CLEC2L: variants seen among roughly 807,000 people sequenced by gnomAD.
CLEC2L encodes the protein C-type lectin domain family 2 member L, also known as C-type lectin domain family 2, member L.
Under a neutral mutation model 23.6 loss-of-function variants are expected in CLEC2L, and 14 were observed. That is an observed-to-expected ratio of 0.59 (90% CI 0.39 to 0.93). The LOEUF (loss-of-function observed/expected upper bound fraction) is 0.93. Ranked by LOEUF, CLEC2L falls within the 40% of genes least tolerant of loss-of-function variation. CLEC2L has a pLI of 0.00. For synonymous variants in CLEC2L, 114 were observed against 121.3 expected (o/e 0.94, Z 0.40); for missense variants, 264 against 282.4 (o/e 0.93, Z 0.47).
At position 139,544,359 on chromosome 7, in the gene CLEC2L, G is replaced by T; in HGVS notation, c.*17G>T. 1 of 1,543,540 alleles carries T rather than the reference G, an allele frequency of 6.5e-7. No individual in the cohort carries two copies. On this transcript the variant is annotated 3_prime_UTR_variant, in exon 5 of 5. Coordinates refer to ENST00000422142, the MANE Select transcript of CLEC2L (RefSeq NM_001080511.4). Reference sequence around the variant, plus strand: ...TATACTTGAGGTGGGTGGGGCCAGAGGTGGCCCCGCCCCTAGGCCTGTGGG... The same window carrying T: ...TATACTTGAGGTGGGTGGGGCCAGATGTGGCCCCGCCCCTAGGCCTGTGGG...
rs74488959 is a variant in CLEC2L at position 139,533,325 on chromosome 7, G to T, written c.191-2949G>T. ...GAGTCAGCTAAAAGAGTTGACAGTGGTTGGCTTTGGGGAAGGAGCAATGTT... is the reference window on the plus strand; with the variant it reads ...GAGTCAGCTAAAAGAGTTGACAGTGTTTGGCTTTGGGGAAGGAGCAATGTT... On this transcript the variant is annotated intron_variant, in intron 1 of 4. Coordinates refer to ENST00000422142, the MANE Select transcript of CLEC2L (RefSeq NM_001080511.4). Among the ~76,000 whole-genome samples, 15 of 152,340 alleles carry T rather than the reference G, an allele frequency of 9.8e-5. No individual in the cohort carries two copies. The East Asian group carries it at 2.3e-3, about 23-fold the overall frequency.
In CLEC2L at chr7:139,524,129, G is replaced by A. The variant is rs1223145062; in HGVS notation, c.190+12G>A. 1 of 1,223,236 alleles carries A rather than the reference G, an allele frequency of 8.2e-7. No individual in the cohort carries two copies. The highest frequency in any genetic ancestry group is 3.2e-5 in the East Asian group (1 of 31,136). 75.8% of individuals were successfully genotyped at this position (1,223,236 alleles called of 1,614,324 possible). ...GGCGGCCTTGGAGGGTAAGCGCGGA[G>A]CGGCCTCCCTCTCCTGGCCCAGGGA... On this transcript the variant is annotated intron_variant, in intron 1 of 4. Transcript: ENST00000422142.
At chr7:139,536,482 T>C in intron 2 of CLEC2L, 134 bp downstream of exon 2, 1 of 728,750 alleles carries the variant, frequency 1.4e-6, no homozygotes, top group Admixed American at 2.5e-5. Context: ...AAATACATAG[T>C]GTCAGTTGTT....
chr7:139,540,225 G>C lies in CLEC2L; in HGVS notation c.266-96G>C. On this transcript the variant is annotated intron_variant, in intron 2 of 4. Coordinates refer to ENST00000422142, the MANE Select transcript of CLEC2L (RefSeq NM_001080511.4). This position sits in a 1 kb window ranked among gnomAD's most constrained non-coding sequence, Gnocchi z 5.8. ...CAGCCACATCTGCAGTGTCCCTGCA[G>C]GACGCCAAAGCTGAGGCAGGGGAGG... 7.8e-7 allele frequency: 1 copy of C among 1,283,626 alleles called. No individual in the cohort carries two copies. The highest frequency in any genetic ancestry group is 2.5e-5 in the East Asian group (1 of 39,500). The allele number at this position is 1,283,626 out of a possible 1,614,324, so 79.5% of individuals were successfully genotyped here.
At chr7:139,534,429 C>A in intron 1 of CLEC2L, 1 of 870,970 alleles carries the variant, frequency 1.1e-6, no homozygotes. Flanking sequence ...CATCAATGAT[C>A]TGGCAGACCT....
chr7:139,523,953 C>A lies in CLEC2L; in HGVS notation c.26C>A (p.Ser9Ter). 1 of 972,980 alleles carries A rather than the reference C, an allele frequency of 1.0e-6. No homozygotes were observed. The highest frequency in any genetic ancestry group is 1.2e-6 in the Non-Finnish European group (1 of 821,608). The allele number at this position is 972,980 out of a possible 1,614,324, so 60.3% of individuals were successfully genotyped here. A position where few individuals can be genotyped will look rare whatever the true frequency, so the allele number is the denominator to read the frequency against. Residue 9 changes from serine (S) to a stop codon, truncating the protein, a stop_gained, in exon 1 of 5, where the codon TCG becomes TAG. Coordinates refer to ENST00000422142, the MANE Select transcript of CLEC2L (RefSeq NM_001080511.4). LOFTEE classifies it high-confidence loss of function. The surrounding 1 kb of genome is among the most constrained non-coding windows in gnomAD (Gnocchi z 4.1). ...ATGGAGCCGGCCCGGGAGCCCCCCT[C>A]GCGGGCCCGGCCGCCGCCGCCCCTC... MEPAREPP[S>*]RARPPPPLAA...
intron 1 of CLEC2L, among the ~76,000 whole-genome samples, chr7:139,531,663 C>T (rs1797583769): frequency 6.6e-6 from 1 of 152,134 alleles, no homozygotes; most frequent in Admixed American, 6.6e-5. Context: ...AATCCCAGCA[C>T]TTTGGGAGGC....
intron 1 of CLEC2L, chr7:139,534,521 T>G (rs1156934844): frequency 1.3e-6 from 1 of 772,520 alleles, no homozygotes; most frequent in African/African-American, 1.7e-5. Flanking sequence ...ATCTACATGC[T>G]TCTTCATCGG....
In CLEC2L at chr7:139,528,561, A is replaced by G. The variant is rs552377060; in HGVS notation, c.190+4444A>G. 3.9e-5 allele frequency among the ~76,000 whole-genome samples: 6 copies of G among 152,290 alleles called. No homozygotes were observed. In the South Asian group the frequency reaches 1.2e-3, roughly 32 times the overall value. On this transcript the variant is annotated intron_variant, in intron 1 of 4. Transcript: ENST00000422142. ...TCAGATCTTGTGAGACTTACTCACT[A>G]TCACAAGAACAGCATGATTTGGGAA...
At position 139,544,247 on chromosome 7, in the gene CLEC2L, C is replaced by G; in HGVS notation, c.550C>G (p.Pro184Ala). The change falls in exon 5 of 5, where the codon CCA becomes GCA. Residue 184 changes from proline (P) to alanine (A), a missense_variant. Pro to Ala is a conservative substitution (Grantham distance 27, BLOSUM62 -1). Transcript: ENST00000422142. ...FDPDTFTIAG[P>A]GECVFVEPTR... ...TGGCCACAGGTTCACCATCGCAGGTCCAGGGGAGTGTGTCTTCGTGGAGCC... is the reference window on the plus strand; with the variant it reads ...TGGCCACAGGTTCACCATCGCAGGTGCAGGGGAGTGTGTCTTCGTGGAGCC... 1 of 1,613,076 alleles carries G rather than the reference C, an allele frequency of 6.2e-7. No homozygotes were observed. Among genetic ancestry groups the G allele is most frequent in the Non-Finnish European group, 8.5e-7 (1 of 1,179,386 alleles).
At chr7:139,530,908 A>G (rs1312109737) in intron 1 of CLEC2L, among the ~76,000 whole-genome samples, 2 of 152,008 alleles carry the variant, frequency 1.3e-5, no homozygotes, top group Non-Finnish European at 2.9e-5. Flanking sequence ...TGCTGAGGAC[A>G]GCATCCCAGC....
rs1585201231 is a variant in CLEC2L at position 139,538,043 on chromosome 7, A to G, written c.265+1695A>G. The stretch of plus-strand genomic sequence containing the variant: ...TGCCATAAGACCAGAGGTGGAATCC[A>G]CAAAATGGCGGAAAAGTCCACCAAT... On this transcript the variant is annotated intron_variant, in intron 2 of 4. Transcript: ENST00000422142. Among the ~76,000 whole-genome samples, 3 of 152,238 alleles carry G rather than the reference A, an allele frequency of 2.0e-5. No homozygotes were observed. In the East Asian group the frequency reaches 5.8e-4, roughly 29 times the overall value.
chr7:139,539,624 A>C lies in CLEC2L; in HGVS notation c.266-697A>C, dbSNP rs146860320. 6.6e-6 allele frequency: 1 copy of C among 152,666 alleles called. No homozygotes were observed. Among genetic ancestry groups the C allele is most frequent in the Non-Finnish European group, 1.5e-5 (1 of 68,386 alleles). 9.5% of individuals were successfully genotyped at this position (152,666 alleles called of 1,614,324 possible). On this transcript the variant is annotated intron_variant, in intron 2 of 4. Coordinates refer to ENST00000422142, the MANE Select transcript of CLEC2L (RefSeq NM_001080511.4). This position sits in a 1 kb window ranked among gnomAD's most constrained non-coding sequence, Gnocchi z 4.1. Reference sequence around the variant, plus strand: ...CTGGTGGCAGCGATTCAGTGGTAACATGGGGACATTGCAGCGAGCAGGCAG... The same window carrying C: ...CTGGTGGCAGCGATTCAGTGGTAACCTGGGGACATTGCAGCGAGCAGGCAG...
intron 1 of CLEC2L, among the ~76,000 whole-genome samples, chr7:139,534,020 A>G (rs1182184397): frequency 1.3e-5 from 2 of 152,222 alleles, no homozygotes; most frequent in Non-Finnish European, 2.9e-5. Context: ...AAAAAATCCA[A>G]ACAAAATTGT....
intron 1 of CLEC2L, among the ~76,000 whole-genome samples, chr7:139,526,964 GC>G (rs1296380122): frequency 2.0e-5 from 3 of 152,244 alleles, no homozygotes; most frequent in Non-Finnish European, 4.4e-5. Flanking sequence ...GGGTTATGCT[GC>G]CCCTGCTTAG....
intron 1 of CLEC2L, chr7:139,534,513 C>T (rs1797625213): frequency 1.3e-6 from 1 of 773,812 alleles, no homozygotes; most frequent in Non-Finnish European, 2.4e-6. Flanking sequence ...AAGAGAAGAT[C>T]TACATGCTTC....
chr7:139,544,478 C>T lies in CLEC2L; in HGVS notation c.*136C>T, dbSNP rs780984458. On this transcript the variant is annotated 3_prime_UTR_variant, in exon 5 of 5. Coordinates refer to ENST00000422142, the MANE Select transcript of CLEC2L (RefSeq NM_001080511.4). ...GGTGCGTGGCCTCCGCCCCAGGCCCCTCTCCCAGGCCCTGGCGCTCTGAGT... is the reference window on the plus strand; with the variant it reads ...GGTGCGTGGCCTCCGCCCCAGGCCCTTCTCCCAGGCCCTGGCGCTCTGAGT... 5.8e-5 allele frequency: 36 copies of T among 625,200 alleles called. No individual in the cohort carries two copies. The highest frequency in any genetic ancestry group is 1.7e-4 in the Admixed American group (6 of 35,196). The allele number at this position is 625,200 out of a possible 1,614,324, so 38.7% of individuals were successfully genotyped here.
At position 139,544,312 on chromosome 7, in the gene CLEC2L, C is replaced by T; in HGVS notation, c.615C>T (p.Pro205=). 1 of 1,613,150 alleles carries T rather than the reference C, an allele frequency of 6.2e-7. No individual in the cohort carries two copies. The highest frequency in any genetic ancestry group is 8.5e-7 in the Non-Finnish European group (1 of 1,179,562). ...CGACGGAGTGTCTGATGACCCGGCC[C>T]TGGGTGTGCAGCAAGATGGCCTATA... ...LVSTECLMTR[P]WVCSKMAYT is the part of the protein sequence containing the mutation. Residue 205 remains proline, a synonymous_variant, in exon 5 of 5, where the codon CCC becomes CCT. Transcript: ENST00000422142.
At chr7:139,544,184 C>A in intron 4 of CLEC2L, 47 bp from the exon 5 acceptor site, 1 of 1,462,824 alleles carries the variant, frequency 6.8e-7, no homozygotes, top group Non-Finnish European at 9.4e-7. Context: ...GGGTTTTGGG[C>A]TGAATGTTCC....
Sources: gnomAD v4.1 joint callset for allele counts (sites outside exome capture counted in the v4.1 genomes callset) on GRCh38, gnomAD v4.1.1 for gene constraint, Gnocchi (gnomAD v3.1) non-coding constraint, MANE v1.5 for transcripts, NCBI Gene and HGNC (gene_info 2026-07-23, HGNC 2026-07-21) for gene names.